The following CDT1 variants were observed in gnomAD, a reference collection of about 807,000 sequenced individuals.
The protein encoded by CDT1 is DNA replication factor Cdt1.
Under a neutral mutation model 49.3 loss-of-function variants are expected in CDT1, and 66 were observed. That is an observed-to-expected ratio of 1.34 (90% CI 1.10 to 1.64). The LOEUF (loss-of-function observed/expected upper bound fraction) is 1.64, where lower values mean the gene tolerates loss of function less well. Among genes scored for constraint, CDT1 ranks in the 40% most tolerant of loss-of-function variants. The probability of loss-of-function intolerance (pLI) is 0.00; values close to 1 mark genes in which losing one functional copy is unlikely to be tolerated. For missense variants in CDT1, 958 were observed against 807.7 expected (o/e 1.19, Z -2.26); for synonymous variants, 424 against 347.4 (o/e 1.22, Z -2.45).
Position 88,806,485 on chromosome 16 carries a change from G to A in CDT1, c.934-1G>A. On this transcript the variant is annotated splice_acceptor_variant, in intron 6 of 9. Coordinates refer to ENST00000301019, the MANE Select transcript of CDT1 (RefSeq NM_030928.4). LOFTEE classifies it high-confidence loss of function. Reference sequence around the variant, plus strand: ...GTCACCCATCTACTCCTTCTCCCCAGGCCTTCCTGGCCTCCCTGAGCCCCG... The same window carrying A: ...GTCACCCATCTACTCCTTCTCCCCAAGCCTTCCTGGCCTCCCTGAGCCCCG... The A allele has an allele frequency of 6.2e-7, 1 of 1,610,242 alleles. No individual in the cohort carries two copies. The highest frequency in any genetic ancestry group is 8.5e-7 in the Non-Finnish European group (1 of 1,178,984).
intron 3 of CDT1, among the ~76,000 whole-genome samples, 183 bp downstream of exon 3, chr16:88,805,081 G>C (rs1908799864): frequency 6.6e-6 from 1 of 152,226 alleles, no homozygotes; most frequent in Non-Finnish European, 1.5e-5. Flanking sequence ...TGTGCCCTCA[G>C]TCCCTCCTGC....
chr16:88,806,644 G>A lies in CDT1; in HGVS notation c.1092G>A (p.Leu364=). 6.2e-7 allele frequency: 1 copy of A among 1,610,600 alleles called. No homozygotes were observed. The highest frequency in any genetic ancestry group is 8.5e-7 in the Non-Finnish European group (1 of 1,179,488). The change falls in exon 7 of 10, where the codon CTG becomes CTA. Residue 364 remains leucine (L), a synonymous_variant. Transcript: ENST00000301019. ...TEKLTTAQEV[L]ARARNLISPR... ...AGCTCACCACTGCTCAGGAGGTGCT[G>A]GCCCGGGCCCGCAACCTGATTTCAC... is the stretch of plus-strand genomic sequence containing the variant.
At position 88,807,494 on chromosome 16, in the gene CDT1, G is replaced by A; in HGVS notation, c.1477+12G>A. ...TATCATGAGCCCTGGTACGTGCAGG[G>A]CGGGGTGAAGGGGCGTGCAGGGTGG... On this transcript the variant is annotated intron_variant, in intron 9 of 9. Coordinates refer to ENST00000301019, the MANE Select transcript of CDT1 (RefSeq NM_030928.4). 3.7e-6 allele frequency: 6 copies of A among 1,611,428 alleles called. No homozygotes were observed. Among genetic ancestry groups the A allele is most frequent in the Non-Finnish European group, 5.1e-6 (6 of 1,179,010 alleles).
intron 1 of CDT1, among the ~76,000 whole-genome samples, 189 bp downstream of exon 1, chr16:88,804,248 G>C (rs922373411): frequency 2.0e-5 from 3 of 152,044 alleles, no homozygotes; most frequent in African/African-American, 7.3e-5. Flanking sequence ...GGACTTGGCT[G>C]GCTCCTGAGA....
chr16:88,805,350 A>C, intron 3 of CDT1, 90 bp from the exon 4 acceptor site: 262 of 1,439,198 alleles, frequency 1.8e-4, no homozygotes, highest in South Asian at 7.0e-4. Context: ...GGCAGGCCCC[A>C]TCGGAGGGTC....
At position 88,806,128 on chromosome 16, in the gene CDT1, G is replaced by A. The variant is rs139057798; in HGVS notation, c.933+7G>A. 4.8e-5 allele frequency: 76 copies of A among 1,582,654 alleles called. No homozygotes were observed. The East Asian group carries it at 8.9e-4, about 18-fold the overall frequency. On this transcript the variant is annotated splice_region_variant and intron_variant, in intron 6 of 9. Coordinates refer to ENST00000301019, the MANE Select transcript of CDT1 (RefSeq NM_030928.4). The stretch of plus-strand genomic sequence containing the variant: ...TGTCAAGGAGCACCACAAGGTGAGC[G>A]GCCCCCGGCCCCGCTGTGTGAAGAT...
rs540861634 is a variant in CDT1 at position 88,804,232 on chromosome 16, C to A, written c.228+173C>A. Among the ~76,000 whole-genome samples the A allele has an allele frequency of 7.2e-5, 11 of 152,188 alleles. No individual in the cohort carries two copies. In the East Asian group the frequency reaches 2.1e-3, roughly 29 times the overall value. On this transcript the variant is annotated intron_variant, in intron 1 of 9. Transcript: ENST00000301019. Reference sequence around the variant, plus strand: ...GGGGATCCTGGGGGCGCCCTGCCACCACTGGGGACTTGGCTGGCTCCTGAG... The same window carrying A: ...GGGGATCCTGGGGGCGCCCTGCCACAACTGGGGACTTGGCTGGCTCCTGAG...
In CDT1 at chr16:88,806,612, A is replaced by G; in HGVS notation, c.1060A>G (p.Thr354Ala). 6.2e-7 allele frequency: 1 copy of G among 1,611,630 alleles called. No individual in the cohort carries two copies. Among genetic ancestry groups the G allele is most frequent in the Non-Finnish European group, 8.5e-7 (1 of 1,179,662 alleles). Residue 354 changes from threonine (T) to alanine (A), a missense_variant, in exon 7 of 10, where the codon ACG becomes GCG. Physicochemically the swap from Thr to Ala is moderately conservative, Grantham distance 58. Coordinates refer to ENST00000301019, the MANE Select transcript of CDT1 (RefSeq NM_030928.4). ...EPAALPQPPA[T>A]EKLTTAQEVL... ...GGCCGCGCTGCCCCAGCCACCCGCCACGGAGAAGCTCACCACTGCTCAGGA... is the reference window on the plus strand; with the variant it reads ...GGCCGCGCTGCCCCAGCCACCCGCCGCGGAGAAGCTCACCACTGCTCAGGA...
Position 88,807,338 on chromosome 16 carries a change from G to A in CDT1, c.1333G>A (p.Glu445Lys), listed in dbSNP as rs780734780. The A allele has an allele frequency of 9.3e-6, 15 of 1,612,510 alleles. No individual in the cohort carries two copies. The highest frequency in any genetic ancestry group is 2.7e-5 in the African/African-American group (2 of 74,952). The change falls in exon 9 of 10, where the codon GAG (glutamate) becomes AAG (lysine). Residue 445 changes from glutamate (E) to lysine (K), a missense_variant. By Grantham distance (56) the Glu-to-Lys change is moderately conservative. Transcript: ENST00000301019. ...ACAGATGACGCGGTGCCCGGAGCAG[G>A]AGCAGCGGCTGCAGCGCTTAGAACG... ...LAQMTRCPEQ[E>K]QRLQRLERLP...
In CDT1 at chr16:88,808,342, T is replaced by TTTC. The variant is rs1908952399; in HGVS notation, c.*67_*69dup. ...CTCGCTGGCCTGGGCCCACCAGCATTTTCTTTTATGAACATGATACACTTT... is the reference window on the plus strand; with the variant it reads ...CTCGCTGGCCTGGGCCCACCAGCATTTTCTTCTTTTATGAACATGATACACTTT... On this transcript the variant is annotated 3_prime_UTR_variant, in exon 10 of 10. Transcript: ENST00000301019. The TTTC allele has an allele frequency of 1.3e-6, 2 of 1,511,810 alleles. No individual in the cohort carries two copies. The highest frequency in any genetic ancestry group is 1.8e-6 in the Non-Finnish European group (2 of 1,122,350). 93.6% of individuals were successfully genotyped at this position (1,511,810 alleles called of 1,614,324 possible).
intron 3 of CDT1, among the ~76,000 whole-genome samples, chr16:88,805,103 C>A (rs1470882218): frequency 2.0e-5 from 3 of 152,240 alleles, no homozygotes; most frequent in East Asian, 1.9e-4. Flanking sequence ...GGGGGCAGCT[C>A]CTGCCTCGGG....
rs1464439665 is a variant in CDT1 at position 88,804,074 on chromosome 16, G to A, written c.228+15G>A. The A allele has an allele frequency of 2.1e-6, 3 of 1,407,370 alleles. No homozygotes were observed. Among genetic ancestry groups the A allele is most frequent in the Non-Finnish European group, 2.8e-6 (3 of 1,083,734 alleles). The allele number at this position is 1,407,370 out of a possible 1,614,324, so 87.2% of individuals were successfully genotyped here. ...CGGTGGACGAGGTGAGGGGCGTGGGGAGACTGAGGCCGGGGAGTTGGGGGC... is the reference window on the plus strand; with the variant it reads ...CGGTGGACGAGGTGAGGGGCGTGGGAAGACTGAGGCCGGGGAGTTGGGGGC... On this transcript the variant is annotated intron_variant, in intron 1 of 9. Transcript: ENST00000301019.
Position 88,805,754 on chromosome 16 carries a change from C to T in CDT1, c.717C>T (p.Ile239=), listed in dbSNP as rs767281419. 5.0e-6 allele frequency: 8 copies of T among 1,613,106 alleles called. No individual in the cohort carries two copies. Among genetic ancestry groups the T allele is most frequent in the Non-Finnish European group, 6.8e-6 (8 of 1,179,986 alleles). ...RRFEECNVGQ[I]KTVYPASYRF... Reference sequence around the variant, plus strand: ...TTGAGGAGTGCAATGTTGGCCAGATCAAAACCGTGTACCCGGCCTCCTACC... The same window carrying T: ...TTGAGGAGTGCAATGTTGGCCAGATTAAAACCGTGTACCCGGCCTCCTACC... Residue 239 remains isoleucine, a synonymous_variant, in exon 5 of 10, where the codon ATC becomes ATT. Coordinates refer to ENST00000301019, the MANE Select transcript of CDT1 (RefSeq NM_030928.4).
chr16:88,806,713 T>G (rs1597505853), intron 7 of CDT1, 39 bp downstream of exon 7: 2 of 1,559,542 alleles, frequency 1.3e-6, no homozygotes, highest in Non-Finnish European at 1.7e-6. Flanking sequence ...TTCTCCCGGG[T>G]GGGTGGGCCA....
chr16:88,808,044 C>T (rs576927555), intron 9 of CDT1, 71 bp from the exon 10 acceptor site: 11 of 1,550,328 alleles, frequency 7.1e-6, no homozygotes, highest in Middle Eastern at 1.7e-4. Context: ...GGTGGTCAGG[C>T]TGGTTTCAAG....
chr16:88,806,368 G>C, intron 6 of CDT1, 118 bp from the exon 7 acceptor site: 1 of 1,261,856 alleles, frequency 7.9e-7, no homozygotes. Flanking sequence ...GCACTGGGCA[G>C]AGGCTGAGTG....
intron 6 of CDT1, 164 bp downstream of exon 6, chr16:88,806,285 G>C: frequency 2.1e-6 from 2 of 965,326 alleles, no homozygotes; most frequent in Non-Finnish European, 3.2e-6. Flanking sequence ...TGCAGCCGCA[G>C]GCACTGAGGA....
At chr16:88,806,439 C>T (rs1452068972) in intron 6 of CDT1, 47 bp from the exon 7 acceptor site, 2 of 1,595,792 alleles carry the variant, frequency 1.3e-6, no homozygotes, top group Admixed American at 1.7e-5. Flanking sequence ...GCAGTCTGCC[C>T]TTGTCTCAGA....
chr16:88,808,371 C>A lies in CDT1; in HGVS notation c.*93C>A. ...TTTTATGAACATGATACACTTTGGC[C>A]TTCCTTTCCCCAGCGCCCCTGAGGG... On this transcript the variant is annotated 3_prime_UTR_variant, in exon 10 of 10. Transcript: ENST00000301019. The A allele has an allele frequency of 7.1e-7, 1 of 1,403,268 alleles. No individual in the cohort carries two copies. Among genetic ancestry groups the A allele is most frequent in the Non-Finnish European group, 9.6e-7 (1 of 1,041,830 alleles). The allele number at this position is 1,403,268 out of a possible 1,614,324, so 86.9% of individuals were successfully genotyped here. A position where few individuals can be genotyped will look rare whatever the true frequency, so the allele number is the denominator to read the frequency against.
Sources: allele counts gnomAD v4.1 joint callset (sites outside exome capture counted in the v4.1 genomes callset), GRCh38; gene constraint gnomAD v4.1.1; transcripts MANE v1.5; gene names NCBI Gene and HGNC (gene_info 2026-07-23, HGNC 2026-07-21).